Variants in TNS1 observed in about 807,000 individuals in gnomAD.
TNS1 encodes the protein tensin 1.
In TNS1, 62 loss-of-function variants were observed where a neutral mutation model predicts 168.6. The observed-to-expected ratio is 0.37, with a 90% confidence interval of 0.30 to 0.45. TNS1 has a LOEUF of 0.45. TNS1 is among the 20% of genes least tolerant of loss of function. The probability of loss-of-function intolerance (pLI) is 1.00; values close to 1 mark genes in which losing one functional copy is unlikely to be tolerated. For synonymous variants in TNS1, 934 were observed against 933.2 expected (o/e 1.00, Z -0.02); for missense variants, 2,240 against 2,339.4 (o/e 0.96, Z 0.88).
intron 1 of TNS1, chr2:217,992,724 G>C (rs1160713744): frequency 6.6e-6 from 1 of 152,266 alleles, no homozygotes. Flanking sequence ...GCAACAGACA[G>C]ACAGAGAAGA....
chr2:217,812,643 A>G (rs556060713), intron 27 of TNS1, among the ~76,000 whole-genome samples, 198 bp from the exon 28 acceptor site: 1 of 152,328 alleles, frequency 6.6e-6, no homozygotes, highest in South Asian at 2.1e-4. Flanking sequence ...TCACTCTCGC[A>G]GTCATAAAGT....
At chr2:217,978,839 C>T in intron 2 of TNS1, 37 bp from the exon 3 acceptor site, 1 of 702,176 alleles carries the variant, frequency 1.4e-6, no homozygotes, top group Admixed American at 2.0e-5. Flanking sequence ...AAGTTTTAGC[C>T]GCGAGGTATG....
intron 22 of TNS1, chr2:217,830,154 C>T (rs1574675038): frequency 1.8e-5 from 8 of 444,786 alleles, no homozygotes; most frequent in Non-Finnish European, 2.1e-5. Flanking sequence ...GTCCCCGGCT[C>T]TCAGGAGCCT....
rs771102432 is a variant in TNS1 at position 217,817,869 on chromosome 2, G to T, written c.4463C>A (p.Pro1488Gln). 6.2e-7 allele frequency: 1 copy of T among 1,614,194 alleles called. No homozygotes were observed. Among genetic ancestry groups the T allele is most frequent in the South Asian group, 1.1e-5 (1 of 91,076 alleles). ...CATCCTTCGCTTCTCTGGCAAGGCT[G>T]GTGTTGGGCTCCCTTGCCGGAAGGC... ...SAAFRQGSPT[P>Q]ALPEKRRMSV... The change falls in exon 24 of 33, where the codon CCA (proline) becomes CAA (glutamine). Residue 1488 changes from proline to glutamine, a missense_variant. Physicochemically the swap from Pro to Gln is moderately conservative, Grantham distance 76. Transcript: ENST00000682258.
chr2:217,883,398 G>A (rs1331947868), intron 16 of TNS1, among the ~76,000 whole-genome samples: 2 of 152,168 alleles, frequency 1.3e-5, no homozygotes, highest in African/African-American at 4.8e-5. Context: ...TGGAATAGCT[G>A]TGCTAACAGG....
intron 9 of TNS1, 151 bp downstream of exon 9, chr2:217,894,855 A>G: frequency 2.5e-6 from 2 of 786,200 alleles, no homozygotes; most frequent in South Asian, 1.7e-5. Flanking sequence ...TGTGGAAATG[A>G]TAAGTAGATC....
chr2:217,918,363 A>C (rs932993678), intron 4 of TNS1, among the ~76,000 whole-genome samples: 5 of 152,046 alleles, frequency 3.3e-5, no homozygotes, highest in African/African-American at 1.2e-4. Flanking sequence ...GCGGGTTGTG[A>C]CTCAGGCAGG....
At chr2:217,933,435 C>A (rs1008681219) in intron 3 of TNS1, among the ~76,000 whole-genome samples, 1 of 152,194 alleles carries the variant, frequency 6.6e-6, no homozygotes, top group African/African-American at 2.4e-5. Flanking sequence ...GACCCAGATA[C>A]AAAGTCACCC....
chr2:217,936,206 A>G (rs1433031508), intron 3 of TNS1, among the ~76,000 whole-genome samples: 1 of 152,108 alleles, frequency 6.6e-6, no homozygotes, highest in African/African-American at 2.4e-5. Context: ...TCATTCATTC[A>G]TTCATTCAAC....
At chr2:217,901,389 T>C (rs76170970) in intron 6 of TNS1, among the ~76,000 whole-genome samples, 9,298 of 152,294 alleles carry the variant, frequency 0.061, 628 homozygotes, top group African/African-American at 0.17. Context: ...GCCTGGTATT[T>C]ACCAGATGAC....
intron 4 of TNS1, among the ~76,000 whole-genome samples, chr2:217,914,800 A>G (rs1234502853): frequency 6.6e-6 from 1 of 152,236 alleles, no homozygotes; most frequent in Non-Finnish European, 1.5e-5. Context: ...CTGTTCTTTA[A>G]GGAGCACTTT....
intron 22 of TNS1, chr2:217,829,706 G>T: frequency 1.1e-6 from 1 of 948,290 alleles, no homozygotes. Context: ...CAAGCGTTGG[G>T]GGACAGGAAG....
chr2:217,951,810 G>A (rs1957250019), intron 3 of TNS1, among the ~76,000 whole-genome samples: 2 of 152,240 alleles, frequency 1.3e-5, no homozygotes, highest in African/African-American at 2.4e-5. Flanking sequence ...GTCTCCCATA[G>A]TGGTAGCTTC....
intron 3 of TNS1, among the ~76,000 whole-genome samples, chr2:217,934,992 AT>A (rs949963091): frequency 2.6e-5 from 4 of 152,222 alleles, no homozygotes; most frequent in Non-Finnish European, 2.9e-5. Context: ...AGTGGAAGCA[AT>A]TTGCCTGAAG....
chr2:217,844,460 C>T (rs1946381630), intron 19 of TNS1, among the ~76,000 whole-genome samples: 1 of 152,162 alleles, frequency 6.6e-6, no homozygotes, highest in South Asian at 2.1e-4. Context: ...CCCAGGCTAC[C>T]TATCCCGACT....
chr2:218,007,511 G>A (rs1359447793), upstream of TNS1, among the ~76,000 whole-genome samples: 1 of 137,656 alleles, frequency 7.3e-6, no homozygotes, highest in African/African-American at 2.7e-5. Context: ...ATGTTGTGGT[G>A]ACATGTTAAC....
At chr2:218,001,714 G>A (rs186521303) in intron 1 of TNS1, among the ~76,000 whole-genome samples, 251 of 151,430 alleles carry the variant, frequency 1.7e-3, no homozygotes, top group African/African-American at 4.9e-3. Flanking sequence ...CACCCAAACC[G>A]CCTCATTCCA....
chr2:217,895,186 C>T (rs1203110274), intron 8 of TNS1, 130 bp from the exon 9 acceptor site: 8 of 886,028 alleles, frequency 9.0e-6, no homozygotes, highest in Admixed American at 6.2e-5. Context: ...GAAGAGCCCA[C>T]GACAGCATCC....
intron 3 of TNS1, among the ~76,000 whole-genome samples, chr2:217,951,911 A>T (rs1957252475): frequency 6.6e-6 from 1 of 152,174 alleles, no homozygotes; most frequent in Admixed American, 6.5e-5. Context: ...ATCCTTTTCC[A>T]GTTGGCTCCA....
Sources: gnomAD v4.1 joint callset for allele counts (sites outside exome capture counted in the v4.1 genomes callset) on GRCh38, gnomAD v4.1.1 for gene constraint, MANE v1.5 for transcripts, NCBI Gene and HGNC (gene_info 2026-07-23, HGNC 2026-07-21) for gene names.